Variants in RORA observed in about 807,000 individuals in gnomAD.
RORA encodes nuclear receptor ROR-alpha.
Under a neutral mutation model 69.5 loss-of-function variants are expected in RORA, and 7 were observed. That is an observed-to-expected ratio of 0.10 (90% confidence interval 0.06 to 0.19). RORA has a LOEUF of 0.19. Among genes scored for constraint, RORA ranks in the 10% least tolerant of loss-of-function variants. The pLI is 1.00. For missense variants in RORA, 457 were observed against 663.0 expected, an observed-to-expected ratio of 0.69 and a Z score of 3.41; for synonymous variants, 261 against 240.8, an observed-to-expected ratio of 1.08 and a Z score of -0.78.
At chr15:61,070,388 A>G (rs1467726469) in intron 1 of RORA, among the ~76,000 whole-genome samples, 1 of 152,206 alleles carries the variant, frequency 6.6e-6, no homozygotes, top group East Asian at 1.9e-4. Flanking sequence ...GCAGCTAGAA[A>G]TCCACCACCA....
intron 1 of RORA, among the ~76,000 whole-genome samples, chr15:61,133,220 T>C (rs962419611): frequency 6.6e-5 from 10 of 152,060 alleles, no homozygotes; most frequent in Admixed American, 6.5e-5. Flanking sequence ...GATCAGGTAA[T>C]ATATATAATG....
rs536390812 is a variant in RORA, at chr15:61,053,721, C to T, written c.166+175332G>A. On this transcript the variant is annotated intron_variant, in intron 1 of 10. Coordinates refer to ENST00000335670, the MANE Select transcript of RORA (RefSeq NM_134261.3). Reference sequence around the variant, plus strand: ...TTGCTTCTCCCTTTTCAAGGGGCTACAGGGAGACGACACAGCTGATGGGTA... The same window carrying T: ...TTGCTTCTCCCTTTTCAAGGGGCTATAGGGAGACGACACAGCTGATGGGTA... Among the ~76,000 whole-genome samples the T allele has an allele frequency of 1.8e-4, 27 of 151,538 alleles. No individual in the cohort carries two copies. In the South Asian group the frequency reaches 5.4e-3, roughly 31 times the overall value.
intron 1 of RORA, among the ~76,000 whole-genome samples, chr15:61,042,070 A>G (rs1437549): frequency 0.085 from 12,972 of 152,164 alleles, 671 homozygotes; most frequent in African/African-American, 0.16. Flanking sequence ...ATTCTCTACA[A>G]TAGCGTCTAG....
intron 1 of RORA, among the ~76,000 whole-genome samples, chr15:61,121,783 T>C (rs938439347): frequency 6.7e-6 from 1 of 149,468 alleles, no homozygotes; most frequent in Admixed American, 6.7e-5. Flanking sequence ...AGTGATGGCA[T>C]TAAGGAAATC....
At chr15:61,053,973 T>C (rs1381849353) in intron 1 of RORA, among the ~76,000 whole-genome samples, 1 of 151,338 alleles carries the variant, frequency 6.6e-6, no homozygotes, top group Non-Finnish European at 1.5e-5. Flanking sequence ...AAGCTATTTC[T>C]TGAAAAAGGA....
At chr15:60,728,448 A>G (rs2071391798) in intron 1 of RORA, among the ~76,000 whole-genome samples, 1 of 152,204 alleles carries the variant, frequency 6.6e-6, no homozygotes, top group South Asian at 2.1e-4. Flanking sequence ...TCAGTTGAAT[A>G]GCAAGTTACA....
chr15:61,002,499 G>A (rs1894774001), intron 1 of RORA, among the ~76,000 whole-genome samples: 1 of 152,148 alleles, frequency 6.6e-6, no homozygotes, highest in Non-Finnish European at 1.5e-5. Context: ...CGTGGGCTTT[G>A]GGGCGTCTTG....
At chr15:61,028,599 A>G (rs1895956581) in intron 1 of RORA, among the ~76,000 whole-genome samples, 1 of 152,230 alleles carries the variant, frequency 6.6e-6, no homozygotes, top group African/African-American at 2.4e-5. Context: ...TAGAATTGCA[A>G]CCATGACAAA....
At chr15:60,535,827 A>AT (rs1204270541) in intron 2 of RORA, among the ~76,000 whole-genome samples, 1 of 152,240 alleles carries the variant, frequency 6.6e-6, no homozygotes, top group Non-Finnish European at 1.5e-5. Flanking sequence ...CACGCATTAT[A>AT]TCTCACTCAC....
rs1033467607 is a variant in RORA, at chr15:60,988,852, C to T, written c.166+240201G>A. ...CCACTCCCCATTTCCACTTACTTTTCAGTTGAAACTACTATGATCTCACTG... is the reference window on the plus strand; with the variant it reads ...CCACTCCCCATTTCCACTTACTTTTTAGTTGAAACTACTATGATCTCACTG... On this transcript the variant is annotated intron_variant, in intron 1 of 10. Transcript: ENST00000335670. 7.9e-5 allele frequency among the ~76,000 whole-genome samples: 12 copies of T among 152,300 alleles called. No homozygotes were observed. In the South Asian group the frequency reaches 1.2e-3, roughly 16 times the overall value.
intron 2 of RORA, among the ~76,000 whole-genome samples, chr15:60,653,478 G>A (rs904227219): frequency 6.6e-6 from 1 of 152,118 alleles, no homozygotes; most frequent in Non-Finnish European, 1.5e-5. Context: ...TAGGGCTCCC[G>A]TCCTCACCCT....
intron 3 of RORA, among the ~76,000 whole-genome samples, chr15:60,515,090 T>C (rs2065820742): frequency 1.3e-5 from 2 of 152,186 alleles, no homozygotes; most frequent in African/African-American, 4.8e-5. Flanking sequence ...ACAAAAGGAC[T>C]TACCTTTAGC....
At chr15:60,548,375 C>G (rs886068869) in intron 2 of RORA, among the ~76,000 whole-genome samples, 4 of 152,100 alleles carry the variant, frequency 2.6e-5, no homozygotes, top group African/African-American at 9.7e-5. Flanking sequence ...CCGCCGAGAC[C>G]ATGACTTTCC....
At chr15:61,126,763 A>G (rs772241882) in intron 1 of RORA, among the ~76,000 whole-genome samples, 6 of 152,214 alleles carry the variant, frequency 3.9e-5, no homozygotes, top group Non-Finnish European at 5.9e-5. Context: ...TAACTTACAC[A>G]GGACCTCCCT....
At chr15:61,047,587 G>A (rs1439318194) in intron 1 of RORA, among the ~76,000 whole-genome samples, 1 of 149,664 alleles carries the variant, frequency 6.7e-6, no homozygotes, top group Non-Finnish European at 1.5e-5. Context: ...GGATAAAGGT[G>A]TCGAGAATGG....
chr15:61,091,734 G>A (rs2078710380), intron 1 of RORA, among the ~76,000 whole-genome samples: 1 of 152,216 alleles, frequency 6.6e-6, no homozygotes, highest in Admixed American at 6.5e-5. Flanking sequence ...CCTTTGCTGA[G>A]TGCCTAGTAG....
chr15:60,597,512 T>TAC (rs56774445), intron 2 of RORA, among the ~76,000 whole-genome samples: 3,847 of 42,936 alleles, frequency 0.09, 379 homozygotes, highest in South Asian at 0.27. Context: ...GTACAGGAGA[T>TAC]ACACACACAC....
At chr15:60,648,873 A>T (rs2070097981) in intron 2 of RORA, among the ~76,000 whole-genome samples, 1 of 152,058 alleles carries the variant, frequency 6.6e-6, no homozygotes, top group African/African-American at 2.4e-5. Context: ...AGAAGATGGT[A>T]AAGCAGGGCC....
chr15:60,723,585 T>G (rs1253252842), intron 1 of RORA, among the ~76,000 whole-genome samples: 3 of 152,122 alleles, frequency 2.0e-5, no homozygotes, highest in Non-Finnish European at 4.4e-5. Flanking sequence ...TATCTGCAAA[T>G]AATCCTCCCT....
Sources: allele counts gnomAD v4.1 joint callset (sites outside exome capture counted in the v4.1 genomes callset), GRCh38; gene constraint gnomAD v4.1.1; transcripts MANE v1.5; gene names NCBI Gene and HGNC (gene_info 2026-07-23, HGNC 2026-07-21).